Variants in TTBK2 observed in about 807,000 individuals in gnomAD.
TTBK2 encodes tau tubulin kinase 2, also known as tau-tubulin kinase 2.
TTBK2 carries 28 observed loss-of-function variants against 110.8 expected under a neutral mutation model. The observed-to-expected ratio is 0.25, with a 90% confidence interval of 0.19 to 0.35. TTBK2 has a LOEUF of 0.35. Among genes scored for constraint, TTBK2 ranks in the 10% least tolerant of loss-of-function variants. TTBK2 has a pLI of 1.00. For synonymous variants in TTBK2, 532 were observed against 527.3 expected, an observed-to-expected ratio of 1.01 and a Z score of -0.12; for missense variants, 1,369 against 1,500.3, an observed-to-expected ratio of 0.91 and a Z score of 1.45.
chr15:42,797,318 A>G (rs1171400883), intron 9 of TTBK2, among the ~76,000 whole-genome samples: 3 of 152,236 alleles, frequency 2.0e-5, no homozygotes, highest in African/African-American at 7.2e-5. Context: ...TACATCTGTC[A>G]CAGTATTGTA....
At chr15:42,821,485 T>C (rs759140639) in intron 6 of TTBK2, among the ~76,000 whole-genome samples, 16 of 152,328 alleles carry the variant, frequency 1.1e-4, no homozygotes, top group Admixed American at 2.0e-4. Context: ...TAAAGTCATA[T>C]AACTACCATC....
chr15:42,829,646 T>TG lies in TTBK2; in HGVS notation c.432+291dup, dbSNP rs376805477. 4.4e-3 allele frequency among the ~76,000 whole-genome samples: 675 copies of TG among 152,312 alleles called. 7 individuals carry two copies. Among genetic ancestry groups the TG allele is most frequent in the African/African-American group, 0.015 (644 of 41,576 alleles). On this transcript the variant is annotated intron_variant, in intron 5 of 14. Transcript: ENST00000267890. ...CTCTCCTGTACTCAAGGAATCCTCC[T>TG]GCTTCAGCCTCCTGAGTAGCTGGGA...
chr15:42,815,865 T>A (rs1285936469), intron 7 of TTBK2, among the ~76,000 whole-genome samples: 14 of 122,434 alleles, frequency 1.1e-4, no homozygotes, highest in African/African-American at 3.8e-4. Context: ...TCTCTATATA[T>A]ATATATTTAA....
intron 3 of TTBK2, among the ~76,000 whole-genome samples, chr15:42,843,578 G>A (rs941063511): frequency 6.6e-6 from 1 of 151,810 alleles, no homozygotes; most frequent in Non-Finnish European, 1.5e-5. Flanking sequence ...GGCCAATATG[G>A]TGAAACCCCA....
intron 13 of TTBK2, among the ~76,000 whole-genome samples, chr15:42,774,711 A>G (rs1193580066): frequency 6.6e-6 from 1 of 152,178 alleles, no homozygotes; most frequent in African/African-American, 2.4e-5. Context: ...GACTTTATGA[A>G]AGAGAAAGGG....
intron 14 of TTBK2, among the ~76,000 whole-genome samples, chr15:42,748,354 C>T (rs2061823038): frequency 6.6e-6 from 1 of 151,800 alleles, no homozygotes; most frequent in Non-Finnish European, 1.5e-5. Flanking sequence ...CTATTCGGGA[C>T]ACTGAGACAG....
At chr15:42,817,506 G>C (rs1013755456) in intron 6 of TTBK2, among the ~76,000 whole-genome samples, 6 of 152,144 alleles carry the variant, frequency 3.9e-5, no homozygotes, top group South Asian at 2.1e-4. Flanking sequence ...GTAAACCTGA[G>C]ATACCAAGCT....
intron 9 of TTBK2, among the ~76,000 whole-genome samples, chr15:42,806,987 C>T (rs1267365995): frequency 1.3e-5 from 2 of 152,122 alleles, no homozygotes; most frequent in Admixed American, 6.6e-5. Context: ...TCTATTTGAT[C>T]GGAGGTTCCC....
Position 42,751,999 on chromosome 15 carries a change from G to A in TTBK2, c.3247C>T (p.Pro1083Ser), listed in dbSNP as rs759799761. ...CTGGCTTCTACTCCAGGCCTCGTGG[G>A]TGGCTTTCCTGGTGGTGGCCGAGGA... The part of the protein sequence containing the change: ...FFPRPPPGKP[P>S]TRPGVEARLR... Residue 1083 changes from proline to serine, a missense_variant, in exon 14 of 15, where the codon CCC becomes TCC. Transcript: ENST00000267890. 4 of 1,614,202 alleles carry A rather than the reference G, an allele frequency of 2.5e-6. No individual in the cohort carries two copies. Among genetic ancestry groups the A allele is most frequent in the African/African-American group, 1.3e-5 (1 of 75,056 alleles).
intron 3 of TTBK2, among the ~76,000 whole-genome samples, chr15:42,862,731 A>G (rs1384241474): frequency 2.0e-5 from 3 of 152,086 alleles, no homozygotes; most frequent in Non-Finnish European, 4.4e-5. Context: ...TCTACTAAAA[A>G]TACAAAATTA....
In TTBK2 at chr15:42,860,012, T is replaced by C. The variant is rs114026748; in HGVS notation, c.217+12599A>G. Among the ~76,000 whole-genome samples, 356 of 149,158 alleles carry C rather than the reference T, an allele frequency of 2.4e-3. 2 individuals are homozygous for C. The highest frequency in any genetic ancestry group is 8.4e-3 in the African/African-American group (345 of 40,930). ...AAAAAAAAGTATCTGAGCTTGAGGA[T>C]GTATCTACAGAAACCTCCAAAAGAG... On this transcript the variant is annotated intron_variant, in intron 3 of 14. Coordinates refer to ENST00000267890, the MANE Select transcript of TTBK2 (RefSeq NM_173500.4).
chr15:42,854,964 T>C (rs1179053958), intron 3 of TTBK2, among the ~76,000 whole-genome samples: 1 of 152,234 alleles, frequency 6.6e-6, no homozygotes, highest in Non-Finnish European at 1.5e-5. Flanking sequence ...TAATTGAATA[T>C]AAAGATACTT....
At chr15:42,845,972 G>C (rs962073322) in intron 3 of TTBK2, among the ~76,000 whole-genome samples, 4 of 152,082 alleles carry the variant, frequency 2.6e-5, no homozygotes, top group African/African-American at 9.7e-5. Flanking sequence ...TAAAAACATA[G>C]TATTATAATC....
intron 10 of TTBK2, among the ~76,000 whole-genome samples, chr15:42,790,192 T>C (rs1163530864): frequency 5.3e-5 from 8 of 152,130 alleles, no homozygotes; most frequent in Admixed American, 3.9e-4. Flanking sequence ...GAAGAGAACA[T>C]AGGAGGAAAG....
At chr15:42,890,265 G>A (rs1051157841) in intron 1 of TTBK2, among the ~76,000 whole-genome samples, 1 of 152,076 alleles carries the variant, frequency 6.6e-6, no homozygotes, top group Non-Finnish European at 1.5e-5. Flanking sequence ...CTCTCTTTTC[G>A]GACTCAGCCT....
chr15:42,772,367 T>A (rs1294666225), intron 13 of TTBK2, among the ~76,000 whole-genome samples: 2 of 152,172 alleles, frequency 1.3e-5, no homozygotes, highest in African/African-American at 4.8e-5. Flanking sequence ...AACAGTCATG[T>A]GAGTGAGCTT....
At chr15:42,853,890 TA>T (rs146685195) in intron 3 of TTBK2, among the ~76,000 whole-genome samples, 7,677 of 151,522 alleles carry the variant, frequency 0.051, 523 homozygotes, top group African/African-American at 0.15. Flanking sequence ...CAAAAAAAAA[TA>T]AAAAATAAAA....
chr15:42,899,816 C>T (rs531509330), intron 1 of TTBK2, among the ~76,000 whole-genome samples: 8 of 150,948 alleles, frequency 5.3e-5, no homozygotes, highest in South Asian at 2.1e-4. Context: ...GCAGGAGAAT[C>T]GCTTGAATCC....
chr15:42,860,431 C>T (rs1049344548), intron 3 of TTBK2, among the ~76,000 whole-genome samples: 4 of 151,180 alleles, frequency 2.6e-5, no homozygotes, highest in African/African-American at 7.4e-5. Flanking sequence ...ACAAGCCTTA[C>T]CTATAGAGGA....
Sources: allele counts gnomAD v4.1 joint callset (sites outside exome capture counted in the v4.1 genomes callset), GRCh38; gene constraint gnomAD v4.1.1; transcripts MANE v1.5; gene names NCBI Gene and HGNC (gene_info 2026-07-23, HGNC 2026-07-21).